SLC16A7: variants seen among roughly 807,000 people sequenced by gnomAD.
The protein encoded by SLC16A7 is monocarboxylate transporter 2.
A neutral mutation model predicts 34.9 loss-of-function variants in SLC16A7; 33 were observed. The observed-to-expected ratio is 0.94, with a 90% CI of 0.72 to 1.26. SLC16A7 has a LOEUF of 1.26. SLC16A7 is among the 50% of genes most tolerant of loss of function. The pLI, the probability that SLC16A7 is intolerant of heterozygous loss-of-function variation, is 0.00. For synonymous variants in SLC16A7, 201 were observed against 206.6 expected (o/e 0.97, Z 0.23); for missense variants, 573 against 578.1 (o/e 0.99, Z 0.09).
chr12:59,626,962 G>GT (rs1323102880), intron 1 of SLC16A7, among the ~76,000 whole-genome samples: 1 of 151,822 alleles, frequency 6.6e-6, no homozygotes, highest in Non-Finnish European at 1.5e-5. Flanking sequence ...ATTTGACATA[G>GT]TTTTTTTCCT....
intron 1 of SLC16A7, among the ~76,000 whole-genome samples, chr12:59,602,397 C>T (rs924877424): frequency 1.3e-5 from 2 of 151,846 alleles, no homozygotes; most frequent in African/African-American, 2.4e-5. Context: ...ACTTCTCTCA[C>T]CGCTCATTTA....
rs994383243 is a variant in SLC16A7 at position 59,614,164 on chromosome 12, C to G, written c.-130+17928C>G. On this transcript the variant is annotated intron_variant, in intron 1 of 5. Coordinates refer to ENST00000547379, the MANE Select transcript of SLC16A7 (RefSeq NM_001270623.2). ...CTCCTGGGTTCAAGCTATTCGTGTG[C>G]CTCAGCCTCCTGAGTAACTGTGGCT... 2.6e-5 allele frequency among the ~76,000 whole-genome samples: 4 copies of G among 151,588 alleles called. No homozygotes were observed. The East Asian group carries it at 5.9e-4, about 22-fold the overall frequency.
intron 1 of SLC16A7, among the ~76,000 whole-genome samples, chr12:59,628,251 A>T (rs758313704): frequency 6.6e-6 from 1 of 151,812 alleles, no homozygotes; most frequent in African/African-American, 2.4e-5. Context: ...TGTTGTTTTC[A>T]TCCTTAGCTC....
At chr12:59,610,564 A>C (rs1264775817) in intron 1 of SLC16A7, among the ~76,000 whole-genome samples, 2 of 152,224 alleles carry the variant, frequency 1.3e-5, no homozygotes, top group Admixed American at 6.5e-5. Context: ...TACTCAAAAA[A>C]AACCTTAATA....
chr12:59,747,915 AT>A (rs1159028769), intron 3 of SLC16A7, among the ~76,000 whole-genome samples: 1 of 152,172 alleles, frequency 6.6e-6, no homozygotes, highest in African/African-American at 2.4e-5. Flanking sequence ...TAAAAACAGA[AT>A]CATAGGCCAC....
At chr12:59,639,242 A>G (rs902785364) in intron 1 of SLC16A7, among the ~76,000 whole-genome samples, 12 of 152,152 alleles carry the variant, frequency 7.9e-5, no homozygotes, top group African/African-American at 2.9e-4. Flanking sequence ...ATGTTTTTAC[A>G]GATATTACTG....
intron 3 of SLC16A7, among the ~76,000 whole-genome samples, chr12:59,734,362 A>C (rs1010195277): frequency 1.3e-5 from 2 of 152,216 alleles, no homozygotes; most frequent in African/African-American, 4.8e-5. Context: ...GCTCGGCTTC[A>C]ACTTTAACCT....
chr12:59,650,076 A>G (rs908426389), intron 1 of SLC16A7, among the ~76,000 whole-genome samples: 3 of 152,070 alleles, frequency 2.0e-5, no homozygotes, highest in East Asian at 1.9e-4. Flanking sequence ...ATTTATATAT[A>G]TCATCTTTTT....
chr12:59,724,449 A>AT (rs1875993228), intron 3 of SLC16A7, among the ~76,000 whole-genome samples: 2 of 151,998 alleles, frequency 1.3e-5, no homozygotes, highest in South Asian at 4.1e-4. Context: ...TGAACTTGCT[A>AT]ATCTGCTGTA....
intron 3 of SLC16A7, among the ~76,000 whole-genome samples, chr12:59,706,655 G>C (rs577767077): frequency 7.9e-5 from 12 of 152,234 alleles, no homozygotes; most frequent in African/African-American, 2.4e-4. Flanking sequence ...TTGTAGAGTA[G>C]ATATTCCTGT....
chr12:59,613,226 C>T (rs2136969976), intron 1 of SLC16A7, among the ~76,000 whole-genome samples: 1 of 152,316 alleles, frequency 6.6e-6, no homozygotes, highest in Non-Finnish European at 1.5e-5. Context: ...AAGTGCTGAG[C>T]AAAAGGGGAA....
At chr12:59,706,362 C>CTG (rs35397986) in intron 3 of SLC16A7, among the ~76,000 whole-genome samples, 63,394 of 150,054 alleles carry the variant, frequency 0.42, 13,485 homozygotes, top group African/African-American at 0.5. Flanking sequence ...AAATAATTCC[C>CTG]TGTGTGTGTG....
chr12:59,726,629 A>G (rs1024951704), intron 3 of SLC16A7, among the ~76,000 whole-genome samples: 5 of 152,188 alleles, frequency 3.3e-5, no homozygotes, highest in African/African-American at 9.6e-5. Context: ...AAGTTAGTAA[A>G]TAACATTAAA....
intron 1 of SLC16A7, among the ~76,000 whole-genome samples, chr12:59,598,109 G>A (rs1247498351): frequency 6.6e-6 from 1 of 152,158 alleles, no homozygotes; most frequent in African/African-American, 2.4e-5. Context: ...GAAATAAAAG[G>A]CATCTCCAGA....
chr12:59,743,678 C>T (rs1878577024), intron 3 of SLC16A7, among the ~76,000 whole-genome samples: 1 of 152,134 alleles, frequency 6.6e-6, no homozygotes, highest in Non-Finnish European at 1.5e-5. Flanking sequence ...TTAGAAGCTA[C>T]TACATCCAAA....
chr12:59,737,180 A>G (rs1592606736), intron 3 of SLC16A7, among the ~76,000 whole-genome samples: 1 of 152,246 alleles, frequency 6.6e-6, no homozygotes, highest in African/African-American at 2.4e-5. Flanking sequence ...AACAGGACAT[A>G]CAACTCACCT....
At chr12:59,688,676 A>T (rs1871337991) in intron 2 of SLC16A7, among the ~76,000 whole-genome samples, 1 of 152,058 alleles carries the variant, frequency 6.6e-6, no homozygotes, top group African/African-American at 2.4e-5. Context: ...CTTTACAATT[A>T]TGCAGGAGTC....
At chr12:59,686,090 CTTTTCTT>C (rs1871137460) in intron 2 of SLC16A7, among the ~76,000 whole-genome samples, 1 of 106,432 alleles carries the variant, frequency 9.4e-6, no homozygotes, top group African/African-American at 3.4e-5. Context: ...TCAAAAAGAA[CTTTTCTT>C]TTTTTTTTTT....
chr12:59,684,056 T>A (rs1465150362), intron 2 of SLC16A7, among the ~76,000 whole-genome samples: 1 of 152,162 alleles, frequency 6.6e-6, no homozygotes, highest in Non-Finnish European at 1.5e-5. Flanking sequence ...ACAATGCCAA[T>A]GTGGTGAGAT....
Sources: gnomAD v4.1 joint callset for allele counts (sites outside exome capture counted in the v4.1 genomes callset) on GRCh38, gnomAD v4.1.1 for gene constraint, MANE v1.5 for transcripts, NCBI Gene and HGNC (gene_info 2026-07-23, HGNC 2026-07-21) for gene names.